The following RERG variants were observed in gnomAD, a reference collection of about 807,000 sequenced individuals.
RERG encodes RAS like estrogen regulated growth inhibitor.
A neutral mutation model predicts 23.2 loss-of-function variants in RERG; 25 were observed. The ratio of observed to expected loss-of-function variants is 1.08; its 90% CI spans 0.79 to 1.50. The LOEUF (loss-of-function observed/expected upper bound fraction) is 1.50. Among genes scored for constraint, RERG ranks in the 40% most tolerant of loss-of-function variants. The probability of loss-of-function intolerance (pLI) is 0.00; values close to 1 mark genes in which losing one functional copy is unlikely to be tolerated. For synonymous variants in RERG, 81 were observed against 89.1 expected (o/e 0.91, Z 0.51); for missense variants, 253 against 250.1 (o/e 1.01, Z -0.08).
intron 3 of RERG, among the ~76,000 whole-genome samples, chr12:15,119,964 A>T (rs1173945876): frequency 2.0e-5 from 3 of 152,200 alleles, no homozygotes; most frequent in Non-Finnish European, 2.9e-5. Context: ...ACAGCATACA[A>T]TTAACGAAAA....
chr12:15,163,149 C>G (rs1864637998), intron 2 of RERG, among the ~76,000 whole-genome samples: 1 of 152,052 alleles, frequency 6.6e-6, no homozygotes, highest in Admixed American at 6.6e-5. Context: ...GTCAACAATG[C>G]CAGAAGCACT....
At chr12:15,171,701 A>T (rs891044133) in intron 2 of RERG, among the ~76,000 whole-genome samples, 1 of 152,176 alleles carries the variant, frequency 6.6e-6, no homozygotes, top group Non-Finnish European at 1.5e-5. Flanking sequence ...TTGAAATTTC[A>T]ATAAAATTAA....
At chr12:15,188,313 C>T (rs753525044) in intron 2 of RERG, among the ~76,000 whole-genome samples, 3 of 152,132 alleles carry the variant, frequency 2.0e-5, no homozygotes, top group African/African-American at 4.8e-5. Context: ...CAAGACAGAA[C>T]GCTCTGTCCA....
At chr12:15,148,400 G>A (rs144159645) in intron 2 of RERG, among the ~76,000 whole-genome samples, 13 of 151,396 alleles carry the variant, frequency 8.6e-5, no homozygotes, top group East Asian at 1.9e-4. Flanking sequence ...GTAGAAATGC[G>A]GGGGGGAAAT....
intron 2 of RERG, among the ~76,000 whole-genome samples, chr12:15,178,287 A>G (rs1487497659): frequency 1.3e-5 from 2 of 152,068 alleles, no homozygotes; most frequent in African/African-American, 4.8e-5. Context: ...CTTCACCCCC[A>G]CTTAAAATGG....
At chr12:15,182,354 G>A (rs970395215) in intron 2 of RERG, among the ~76,000 whole-genome samples, 3 of 151,964 alleles carry the variant, frequency 2.0e-5, no homozygotes, top group African/African-American at 7.3e-5. Flanking sequence ...CACCGTGCCC[G>A]GCCCTATAAT....
At chr12:15,126,997 C>T (rs912458241) in intron 2 of RERG, among the ~76,000 whole-genome samples, 3 of 152,086 alleles carry the variant, frequency 2.0e-5, no homozygotes, top group Non-Finnish European at 4.4e-5. Context: ...GGATTACAGG[C>T]ATGAGCCACC....
intron 2 of RERG, among the ~76,000 whole-genome samples, chr12:15,212,487 T>C (rs959298013): frequency 3.3e-5 from 5 of 152,224 alleles, no homozygotes; most frequent in Non-Finnish European, 7.3e-5. Context: ...ATATTTTATA[T>C]AACTATAAAA....
At chr12:15,126,608 G>C (rs74765919) in intron 2 of RERG, among the ~76,000 whole-genome samples, 18,601 of 151,944 alleles carry the variant, frequency 0.12, 1,203 homozygotes, top group African/African-American at 0.13. Flanking sequence ...CTAATAGCTT[G>C]TCAGTATTTT....
intron 2 of RERG, among the ~76,000 whole-genome samples, chr12:15,206,230 G>C (rs1283455053): frequency 6.6e-6 from 1 of 152,056 alleles, no homozygotes; most frequent in Non-Finnish European, 1.5e-5. Flanking sequence ...ATGATGTAAA[G>C]AAAAAGTTCT....
At chr12:15,169,440 T>TC (rs906716386) in intron 2 of RERG, among the ~76,000 whole-genome samples, 2 of 152,136 alleles carry the variant, frequency 1.3e-5, no homozygotes, top group Admixed American at 1.3e-4. Flanking sequence ...GGAGAATTTG[T>TC]CCCCTCTGCC....
chr12:15,125,785 T>C (rs1863926614), intron 2 of RERG, among the ~76,000 whole-genome samples: 1 of 152,018 alleles, frequency 6.6e-6, no homozygotes, highest in Non-Finnish European at 1.5e-5. Flanking sequence ...TTAAAAGTAA[T>C]GCAGTAGTGT....
chr12:15,156,810 G>A (rs754109171), intron 2 of RERG, among the ~76,000 whole-genome samples: 15 of 152,100 alleles, frequency 9.9e-5, no homozygotes, highest in Non-Finnish European at 1.3e-4. Context: ...GCGCATTTTC[G>A]TGCAAATCTC....
At chr12:15,121,997 T>C (rs911370423) in intron 2 of RERG, among the ~76,000 whole-genome samples, 5 of 151,826 alleles carry the variant, frequency 3.3e-5, no homozygotes, top group African/African-American at 1.2e-4. Flanking sequence ...TTTCTTACAC[T>C]TGTAGTATAG....
chr12:15,218,343 G>T (rs1028098756), intron 1 of RERG, among the ~76,000 whole-genome samples: 2 of 152,060 alleles, frequency 1.3e-5, no homozygotes, highest in Non-Finnish European at 2.9e-5. Context: ...ATTTAGTTTG[G>T]TGCTTTAGGA....
Position 15,109,443 on chromosome 12 carries a change from T to A in RERG, c.267A>T (p.Arg89=). Residue 89 remains arginine, a synonymous_variant, in exon 5 of 5, where the codon CGA becomes CGT. Transcript: ENST00000256953. ...GFVLVYDITD[R]GSFEEVLPLK... ...GTGGCAGCACTTCCTCAAAACTTCC[T>A]CGGTCAGTAATGTCGTAGACCAGCA... The A allele has an allele frequency of 1.2e-6, 2 of 1,613,966 alleles. No homozygotes were observed. Among genetic ancestry groups the A allele is most frequent in the Non-Finnish European group, 8.5e-7 (1 of 1,179,978 alleles).
At chr12:15,183,047 C>T (rs984077349) in intron 2 of RERG, among the ~76,000 whole-genome samples, 22 of 152,062 alleles carry the variant, frequency 1.4e-4, no homozygotes, top group African/African-American at 4.3e-4. Context: ...CACCACTGCA[C>T]TCCAGCCTGG....
At chr12:15,111,946 G>A (rs1863626703) in intron 3 of RERG, among the ~76,000 whole-genome samples, 1 of 152,126 alleles carries the variant, frequency 6.6e-6, no homozygotes, top group Non-Finnish European at 1.5e-5. Flanking sequence ...AAAGTGCTGA[G>A]ATTACAGGCC....
At chr12:15,163,077 C>T (rs1162830943) in intron 2 of RERG, among the ~76,000 whole-genome samples, 1 of 152,152 alleles carries the variant, frequency 6.6e-6, no homozygotes, top group Non-Finnish European at 1.5e-5. Flanking sequence ...TCCCTAGTTT[C>T]AACCTTTTGT....
Sources: gnomAD v4.1 joint callset for allele counts (sites outside exome capture counted in the v4.1 genomes callset) on GRCh38, gnomAD v4.1.1 for gene constraint, MANE v1.5 for transcripts, NCBI Gene and HGNC (gene_info 2026-07-23, HGNC 2026-07-21) for gene names.